Variants in ELOVL4 observed in about 807,000 individuals in gnomAD.
ELOVL4 encodes the protein ELOVL fatty acid elongase 4, also known as very long chain fatty acid elongase 4.
In ELOVL4, 18 loss-of-function variants were observed where a neutral mutation model predicts 42.1. The observed-to-expected ratio is 0.43, with a 90% CI of 0.30 to 0.63. The LOEUF (loss-of-function observed/expected upper bound fraction) is 0.63, where lower values mean the gene tolerates loss of function less well. Ranked by LOEUF, ELOVL4 falls within the 30% of genes least tolerant of loss-of-function variation. The pLI, the probability that ELOVL4 is intolerant of heterozygous loss-of-function variation, is 0.15. For missense variants in ELOVL4, 299 were observed against 376.2 expected (o/e 0.79, Z 1.70); for synonymous variants, 117 against 127.0 (o/e 0.92, Z 0.53).
chr6:79,924,374 CTTCTT>C (rs1443279048), intron 3 of ELOVL4, among the ~76,000 whole-genome samples: 1 of 152,146 alleles, frequency 6.6e-6, no homozygotes, highest in African/African-American at 2.4e-5. Flanking sequence ...AAACATGAGA[CTTCTT>C]TGCTTTAACA....
chr6:79,945,435 ACAT>A (rs1208246989), intron 1 of ELOVL4, among the ~76,000 whole-genome samples: 6 of 152,158 alleles, frequency 3.9e-5, no homozygotes, highest in Non-Finnish European at 8.8e-5. Context: ...TTTTACACAA[ACAT>A]CATCAGGAAG....
At position 79,926,321 on chromosome 6, in the gene ELOVL4, G is replaced by A. The variant is rs770362074; in HGVS notation, c.161C>T (p.Thr54Ile). The A allele has an allele frequency of 4.3e-6, 7 of 1,614,012 alleles. No individual in the cohort carries two copies. In the South Asian group the frequency reaches 7.7e-5, roughly 18 times the overall value. ...QSPWPTLSIS[T>I]LYLLFVWLGP... Reference sequence around the variant, plus strand: ...CAGCCACACAAACAGGAGATAAAGAGTGCTTATACTTAGTGTAGGCCAAGG... The same window carrying A: ...CAGCCACACAAACAGGAGATAAAGAATGCTTATACTTAGTGTAGGCCAAGG... The change falls in exon 2 of 6, where the codon ACT becomes ATT. Residue 54 changes from threonine to isoleucine, a missense_variant. Coordinates refer to ENST00000369816, the MANE Select transcript of ELOVL4 (RefSeq NM_022726.4).
chr6:79,946,614 G>T (rs1334236465), intron 1 of ELOVL4, among the ~76,000 whole-genome samples: 3 of 152,182 alleles, frequency 2.0e-5, no homozygotes, highest in African/African-American at 7.2e-5. Context: ...CAAGGTTCAA[G>T]GAGCCAAACA....
intron 1 of ELOVL4, among the ~76,000 whole-genome samples, chr6:79,933,593 T>C (rs139214244): frequency 6.6e-6 from 1 of 152,220 alleles, no homozygotes; most frequent in East Asian, 1.9e-4. Flanking sequence ...GAAGGGGATA[T>C]GTCAAGAGGC....
chr6:79,947,420 C>A lies in ELOVL4; in HGVS notation c.-141G>T. 2.9e-6 allele frequency: 2 copies of A among 681,024 alleles called. No homozygotes were observed. The highest frequency in any genetic ancestry group is 3.2e-5 in the South Asian group (2 of 61,906). The allele number at this position is 681,024 out of a possible 1,614,324, so 42.2% of individuals were successfully genotyped here. ...GGCGGCCCGGCTGCGTCTTCTCCTG[C>A]TCCTCAAGGCGCCGCGGCGGCGGGG... On this transcript the variant is annotated 5_prime_UTR_variant, in exon 1 of 6. Coordinates refer to ENST00000369816, the MANE Select transcript of ELOVL4 (RefSeq NM_022726.4).
intron 1 of ELOVL4, among the ~76,000 whole-genome samples, chr6:79,933,750 T>C (rs989642355): frequency 1.3e-5 from 2 of 151,998 alleles, no homozygotes; most frequent in East Asian, 3.9e-4. Flanking sequence ...TGATCTGAGC[T>C]CCCCCAGGTG....
intron 1 of ELOVL4, among the ~76,000 whole-genome samples, chr6:79,946,671 T>C (rs982132838): frequency 1.3e-5 from 2 of 152,230 alleles, no homozygotes; most frequent in Non-Finnish European, 2.9e-5. Flanking sequence ...ATGAAGGAGC[T>C]AGATAGAAGA....
At chr6:79,926,884 A>C (rs1561985808) in intron 1 of ELOVL4, among the ~76,000 whole-genome samples, 1 of 152,216 alleles carries the variant, frequency 6.6e-6, no homozygotes, top group African/African-American at 2.4e-5. Context: ...ACTGAAGACA[A>C]GAGTACAGGG....
intron 1 of ELOVL4, among the ~76,000 whole-genome samples, chr6:79,930,420 C>A (rs1459793839): frequency 6.6e-6 from 1 of 152,162 alleles, no homozygotes; most frequent in Non-Finnish European, 1.5e-5. Context: ...AATTCCCAAC[C>A]TTTTAATAAT....
chr6:79,922,854 G>A (rs1774281377), intron 3 of ELOVL4, among the ~76,000 whole-genome samples: 2 of 151,954 alleles, frequency 1.3e-5, no homozygotes, highest in African/African-American at 2.4e-5. Context: ...AAGCATATAA[G>A]AAACAAAGTA....
At chr6:79,930,372 A>G (rs541281504) in intron 1 of ELOVL4, among the ~76,000 whole-genome samples, 30 of 152,290 alleles carry the variant, frequency 2.0e-4, no homozygotes, top group African/African-American at 7.0e-4. Context: ...TTATCATGGA[A>G]GCTACAGTAA....
At chr6:79,918,278 A>G (rs566823880) in intron 5 of ELOVL4, among the ~76,000 whole-genome samples, 2 of 152,302 alleles carry the variant, frequency 1.3e-5, no homozygotes, top group East Asian at 1.9e-4. Flanking sequence ...TGGTTTCACA[A>G]TGGTTTTTAG....
At position 79,916,290 on chromosome 6, in the gene ELOVL4, A is replaced by G. The variant is rs1774159010; in HGVS notation, c.*318T>C. ...AATTCAGACCGAAGAATGAGTGACT[A>G]TAAGATACATGAAAAATCTCATCCT... On this transcript the variant is annotated 3_prime_UTR_variant, in exon 6 of 6. Transcript: ENST00000369816. 9.3e-6 allele frequency: 3 copies of G among 323,802 alleles called. No homozygotes were observed. The highest frequency in any genetic ancestry group is 7.0e-5 in the East Asian group (1 of 14,372). The allele number at this position is 323,802 out of a possible 1,614,324, so 20.1% of individuals were successfully genotyped here.
rs544123126 is a variant in ELOVL4 at position 79,914,897 on chromosome 6, TCA to T, written c.*1709_*1710del. 3.5e-4 allele frequency: 54 copies of T among 152,710 alleles called. No individual in the cohort carries two copies. Among genetic ancestry groups the T allele is most frequent in the African/African-American group, 1.3e-3 (54 of 41,568 alleles). 9.5% of individuals were successfully genotyped at this position (152,710 alleles called of 1,614,324 possible). A position where few individuals can be genotyped will look rare whatever the true frequency, so the allele number is the denominator to read the frequency against. ...GCTCTTGGGAACCAGTACAGAATGT[TCA>T]CAAAGATTTACAAATCTCAGTCATT... On this transcript the variant is annotated 3_prime_UTR_variant, in exon 6 of 6. Transcript: ENST00000369816.
In ELOVL4 at chr6:79,926,333, A is replaced by G; in HGVS notation, c.149T>C (p.Leu50Pro). Residue 50 changes from leucine to proline, a missense_variant, in exon 2 of 6, where the codon CTA becomes CCA. Transcript: ENST00000369816. ...CAGGAGATAAAGAGTGCTTATACTT[A>G]GTGTAGGCCAAGGAGACTGCATCAG... is the stretch of plus-strand genomic sequence containing the variant. ...WPLMQSPWPT[L>P]SISTLYLLFV... is the part of the protein sequence containing the mutation. 6.2e-7 allele frequency: 1 copy of G among 1,614,058 alleles called. No individual in the cohort carries two copies. Among genetic ancestry groups the G allele is most frequent in the South Asian group, 1.1e-5 (1 of 91,076 alleles).
intron 1 of ELOVL4, among the ~76,000 whole-genome samples, chr6:79,943,568 T>C (rs1188283089): frequency 1.3e-5 from 2 of 152,178 alleles, no homozygotes; most frequent in Non-Finnish European, 2.9e-5. Flanking sequence ...AGGACTTTTC[T>C]GATCTTCCCT....
At chr6:79,946,899 G>T (rs932495572) in intron 1 of ELOVL4, among the ~76,000 whole-genome samples, 42 of 152,214 alleles carry the variant, frequency 2.8e-4, no homozygotes, top group African/African-American at 9.4e-4. Flanking sequence ...TGGCTGCACA[G>T]GCTCCATCTG....
At chr6:79,946,960 A>G (rs1774754293) in intron 1 of ELOVL4, among the ~76,000 whole-genome samples, 1 of 152,188 alleles carries the variant, frequency 6.6e-6, no homozygotes, top group African/African-American at 2.4e-5. Context: ...GGGAGCTCAG[A>G]AGAAAACCCT....
At chr6:79,929,659 T>C (rs961611971) in intron 1 of ELOVL4, among the ~76,000 whole-genome samples, 2 of 152,230 alleles carry the variant, frequency 1.3e-5, no homozygotes, top group African/African-American at 2.4e-5. Flanking sequence ...TTTAGGTTTA[T>C]TTTAACTTCT....
Sources: gnomAD v4.1 joint callset for allele counts (sites outside exome capture counted in the v4.1 genomes callset) on GRCh38, gnomAD v4.1.1 for gene constraint, MANE v1.5 for transcripts, NCBI Gene and HGNC (gene_info 2026-07-23, HGNC 2026-07-21) for gene names.